Variants in PPP1R13B observed in about 807,000 individuals in gnomAD.
PPP1R13B encodes the protein protein phosphatase 1 regulatory subunit 13B.
In PPP1R13B, 44 loss-of-function variants were observed where a neutral mutation model predicts 119.8. That is an observed-to-expected ratio of 0.37 (90% confidence interval 0.29 to 0.47). PPP1R13B has a LOEUF of 0.47. PPP1R13B is among the 20% of genes least tolerant of loss of function. The pLI is 0.99. For synonymous variants in PPP1R13B, 542 were observed against 561.5 expected (o/e 0.97, Z 0.49); for missense variants, 1,227 against 1,413.5 (o/e 0.87, Z 2.12).
At chr14:103,830,604 A>G (rs1447613243) in intron 1 of PPP1R13B, among the ~76,000 whole-genome samples, 1 of 152,216 alleles carries the variant, frequency 6.6e-6, no homozygotes, top group Admixed American at 6.5e-5. Context: ...ACTGCCTCCC[A>G]GTAGTTTTCC....
Position 103,733,352 on chromosome 14 carries a change from A to G in PPP1R13B, c.*1802T>C. 4.2e-6 allele frequency: 1 copy of G among 237,190 alleles called. No homozygotes were observed. 14.7% of individuals were successfully genotyped at this position (237,190 alleles called of 1,614,324 possible). ...CAGGTCTACTAGAAGGTTCTGGCCC[A>G]TCAATATTCATTTCATTTAATTCTT... is the stretch of plus-strand genomic sequence containing the variant. On this transcript the variant is annotated 3_prime_UTR_variant, in exon 17 of 17. Transcript: ENST00000202556.
At chr14:103,835,007 A>C (rs745726722) in intron 1 of PPP1R13B, among the ~76,000 whole-genome samples, 14 of 152,262 alleles carry the variant, frequency 9.2e-5, no homozygotes, top group Non-Finnish European at 2.1e-4. Context: ...ATTCTGCTTC[A>C]GAGTAATAGG....
intron 1 of PPP1R13B, among the ~76,000 whole-genome samples, chr14:103,822,879 T>C (rs1021851391): frequency 2.6e-5 from 4 of 152,136 alleles, no homozygotes; most frequent in Admixed American, 2.0e-4. Context: ...GAACCATTTA[T>C]GACATGCAAA....
Position 103,746,523 on chromosome 14 carries a change from G to C in PPP1R13B, c.1000C>G (p.Gln334Glu). 1 of 1,608,492 alleles carries C rather than the reference G, an allele frequency of 6.2e-7. No homozygotes were observed. The highest frequency in any genetic ancestry group is 8.5e-7 in the Non-Finnish European group (1 of 1,177,372). ...CTGCCCGATGTGCTCAGAGGGGACT[G>C]TGGTGATGACGTGCCATTCACACGG... ...LNRVNGTSSP[Q>E]SPLSTSGRVA... is the part of the protein sequence containing the mutation. The change falls in exon 9 of 17, where the codon CAG becomes GAG. Residue 334 changes from glutamine to glutamate, a missense_variant. Transcript: ENST00000202556.
chr14:103,757,647 T>C lies in PPP1R13B; in HGVS notation c.456+3A>G. 6.2e-7 allele frequency: 1 copy of C among 1,613,492 alleles called. No individual in the cohort carries two copies. The highest frequency in any genetic ancestry group is 8.5e-7 in the Non-Finnish European group (1 of 1,179,598). On this transcript the variant is annotated splice_donor_region_variant and intron_variant, in intron 5 of 16. Transcript: ENST00000202556. ...TGTTTCAATACCTCTTTTTATAACT[T>C]ACCTTGGCAACCAACATCTGCTGCT...
At chr14:103,793,121 A>AT (rs1485559513) in intron 2 of PPP1R13B, among the ~76,000 whole-genome samples, 1 of 93,926 alleles carries the variant, frequency 1.1e-5, no homozygotes, top group Non-Finnish European at 2.1e-5. Flanking sequence ...GAGGGAAGGC[A>AT]ATGGGAGGGG....
intron 1 of PPP1R13B, 97 bp downstream of exon 1, chr14:103,847,202 G>GC (rs1567169442): frequency 1.7e-5 from 18 of 1,031,306 alleles, no homozygotes; most frequent in African/African-American, 7.0e-5. Flanking sequence ...GCCCGGCCTC[G>GC]CACCGGCCCG....
At chr14:103,813,400 C>G (rs547766891) in intron 1 of PPP1R13B, among the ~76,000 whole-genome samples, 2 of 152,274 alleles carry the variant, frequency 1.3e-5, no homozygotes, top group Admixed American at 1.3e-4. Context: ...CCCAAAAGCT[C>G]ATCTTGAATT....
chr14:103,845,970 G>A (rs117674709), intron 1 of PPP1R13B, among the ~76,000 whole-genome samples: 1 of 152,118 alleles, frequency 6.6e-6, no homozygotes, highest in Non-Finnish European at 1.5e-5. Flanking sequence ...TCAGGACAGC[G>A]CTCAGATATT....
At chr14:103,750,086 C>G (rs776848630) in intron 7 of PPP1R13B, 152 bp from the exon 8 acceptor site, 5 of 812,312 alleles carry the variant, frequency 6.2e-6, no homozygotes, top group Non-Finnish European at 9.5e-6. Context: ...TTCACAGGTA[C>G]AGCAGAGATA....
chr14:103,780,766 C>A (rs577415650), intron 3 of PPP1R13B, among the ~76,000 whole-genome samples: 1 of 148,034 alleles, frequency 6.8e-6, no homozygotes, highest in South Asian at 2.1e-4. Context: ...GCCAAGATTG[C>A]GCCACTGCAC....
At chr14:103,835,168 G>T (rs541041910) in intron 1 of PPP1R13B, among the ~76,000 whole-genome samples, 13 of 152,220 alleles carry the variant, frequency 8.5e-5, no homozygotes, top group African/African-American at 3.1e-4. Flanking sequence ...ACTCTGCCAG[G>T]CTGGAGTACA....
intron 1 of PPP1R13B, among the ~76,000 whole-genome samples, chr14:103,802,662 A>G (rs1368504109): frequency 6.6e-6 from 1 of 152,202 alleles, no homozygotes; most frequent in African/African-American, 2.4e-5. Context: ...GAAACGCGGA[A>G]TTCTTTATGA....
Position 103,776,320 on chromosome 14 carries a change from A to C in PPP1R13B, c.354+2425T>G, listed in dbSNP as rs1178603216. Among the ~76,000 whole-genome samples, 6 of 152,232 alleles carry C rather than the reference A, an allele frequency of 3.9e-5. No individual in the cohort carries two copies. The South Asian group carries it at 1.0e-3, about 26-fold the overall frequency. On this transcript the variant is annotated intron_variant, in intron 4 of 16. Coordinates refer to ENST00000202556, the MANE Select transcript of PPP1R13B (RefSeq NM_015316.3). ...TTTAAAGTTGATAGTACAAATAAAC[A>C]GAGATTTAAGTATATGAGGTAGGGT... is the stretch of plus-strand genomic sequence containing the variant.
intron 1 of PPP1R13B, among the ~76,000 whole-genome samples, chr14:103,816,076 T>G (rs1327015922): frequency 1.3e-5 from 2 of 151,578 alleles, no homozygotes; most frequent in Non-Finnish European, 2.9e-5. Flanking sequence ...AGAGCAAGAC[T>G]CCATCTCAAA....
rs777136260 is a variant in PPP1R13B, at chr14:103,735,142, C to T, written c.*12G>A. On this transcript the variant is annotated 3_prime_UTR_variant, in exon 17 of 17. Transcript: ENST00000202556. Reference sequence around the variant, plus strand: ...GTAGCTGGCAAGACCATGCGGTGCTCCAAAAGGAAGTTCAGGCGAGTGTTC... The same window carrying T: ...GTAGCTGGCAAGACCATGCGGTGCTTCAAAAGGAAGTTCAGGCGAGTGTTC... 1 of 1,614,102 alleles carries T rather than the reference C, an allele frequency of 6.2e-7. No individual in the cohort carries two copies. The highest frequency in any genetic ancestry group is 8.5e-7 in the Non-Finnish European group (1 of 1,179,978).
intron 4 of PPP1R13B, chr14:103,764,453 A>G (rs1265474350): frequency 2.8e-6 from 1 of 353,668 alleles, no homozygotes; most frequent in Non-Finnish European, 5.6e-6. Flanking sequence ...GTTGAATTGT[A>G]ACAGTATGTT....
Position 103,825,031 on chromosome 14 carries a change from C to T in PPP1R13B, c.9+22268G>A, listed in dbSNP as rs538449432. On this transcript the variant is annotated intron_variant, in intron 1 of 16. Transcript: ENST00000202556. ...CATTTTCCAACAGCATGTGCTCACC[C>T]ATGTGTCACAATTCTCTCAATATTT... Among the ~76,000 whole-genome samples the T allele has an allele frequency of 1.2e-3, 177 of 152,296 alleles. 2 individuals are homozygous for T. Among genetic ancestry groups the T allele is most frequent in the Non-Finnish European group, 2.0e-3 (136 of 68,026 alleles).
rs927030836 is a variant in PPP1R13B, at chr14:103,733,531, G to C, written c.*1623C>G. The stretch of plus-strand genomic sequence containing the variant: ...AATTTGGGGCTTCTGGGCTGTGAGT[G>C]ATCCTTTGATACTTCACCAAGGGGA... On this transcript the variant is annotated 3_prime_UTR_variant, in exon 17 of 17. Coordinates refer to ENST00000202556, the MANE Select transcript of PPP1R13B (RefSeq NM_015316.3). 14 of 154,296 alleles carry C rather than the reference G, an allele frequency of 9.1e-5. No homozygotes were observed. The highest frequency in any genetic ancestry group is 3.1e-4 in the African/African-American group (13 of 41,466). 9.6% of individuals were successfully genotyped at this position (154,296 alleles called of 1,614,324 possible).
Sources: gnomAD v4.1 joint callset for allele counts (sites outside exome capture counted in the v4.1 genomes callset) on GRCh38, gnomAD v4.1.1 for gene constraint, MANE v1.5 for transcripts, NCBI Gene and HGNC (gene_info 2026-07-23, HGNC 2026-07-21) for gene names.